MDN1: variants seen among roughly 807,000 people sequenced by gnomAD.
MDN1 encodes midasin.
In MDN1, 266 loss-of-function variants were observed where a neutral mutation model predicts 669.2. The ratio of observed to expected loss-of-function variants is 0.40; its 90% confidence interval spans 0.36 to 0.44. The LOEUF (loss-of-function observed/expected upper bound fraction) is 0.44. Ranked by LOEUF, MDN1 falls within the 20% of genes least tolerant of loss-of-function variation. The pLI, the probability that MDN1 is intolerant of heterozygous loss-of-function variation, is 1.00. For synonymous variants in MDN1, 2,385 were observed against 2,457.1 expected (o/e 0.97, Z 0.87); for missense variants, 5,940 against 6,754.0 (o/e 0.88, Z 4.22).
chr6:89,712,678 G>C lies in MDN1; in HGVS notation c.7327C>G (p.Leu2443Val), dbSNP rs1249503790. The change falls in exon 48 of 102, where the codon CTC becomes GTC. Residue 2443 changes from leucine to valine, a missense_variant. Leu to Val is a conservative substitution (Grantham distance 32, BLOSUM62 1). Coordinates refer to ENST00000369393, the MANE Select transcript of MDN1 (RefSeq NM_014611.3). ...AGGTGTGAATCTTCAGTAGCAAAGA[G>C]AGCTGAGGGCACAGAATCTGGCCAC... ...GLWPDSVPSA[L>V]FATEDSHLST... 5 of 1,614,006 alleles carry C rather than the reference G, an allele frequency of 3.1e-6. No homozygotes were observed. In the Admixed American group the frequency reaches 6.7e-5, roughly 22 times the overall value.
In MDN1 at chr6:89,648,257, T is replaced by TG; in HGVS notation, c.16278_16279insC (p.Ser5427GlnfsTer14). On this transcript the variant is annotated frameshift_variant and splice_region_variant, in exon 98 of 102. Transcript: ENST00000369393. LOFTEE classifies it high-confidence loss of function. ...AAAGGAATTACAAAGCAACCTTACCTACACACTGCAATCTGACCCACTTCC... is the reference window on the plus strand; with the variant it reads ...AAAGGAATTACAAAGCAACCTTACCTGACACACTGCAATCTGACCCACTTCC... 6.2e-7 allele frequency: 1 copy of TG among 1,613,932 alleles called. No individual in the cohort carries two copies. Among genetic ancestry groups the TG allele is most frequent in the Non-Finnish European group, 8.5e-7 (1 of 1,179,790 alleles).
In MDN1 at chr6:89,670,166, A is replaced by ATTTTTTT. The variant is rs1482501704; in HGVS notation, c.13956+752_13956+753insAAAAAAA. Among the ~76,000 whole-genome samples the ATTTTTTT allele has an allele frequency of 7.9e-4, 14 of 17,714 alleles. 1 individual carries two copies. Among genetic ancestry groups the ATTTTTTT allele is most frequent in the African/African-American group, 4.1e-3 (13 of 3,168 alleles). 11.6% of individuals were successfully genotyped at this position (17,714 alleles called of 152,430 possible). A position where few individuals can be genotyped will look rare whatever the true frequency, so the allele number is the denominator to read the frequency against. ...TATATATATATATATATATATATAT[A>ATTTTTTT]TATATTTTTTTTTTTTTTTTTTTTG... On this transcript the variant is annotated intron_variant, in intron 83 of 101. Transcript: ENST00000369393.
At position 89,652,995 on chromosome 6, in the gene MDN1, G is replaced by A. The variant is rs1808988561; in HGVS notation, c.15822C>T (p.Phe5274=). 6.2e-7 allele frequency: 1 copy of A among 1,612,468 alleles called. No homozygotes were observed. The highest frequency in any genetic ancestry group is 8.5e-7 in the Non-Finnish European group (1 of 1,179,622). The change falls in exon 94 of 102, where the codon TTC becomes TTT. Residue 5274 remains phenylalanine (F), a synonymous_variant. Transcript: ENST00000369393. ...TAHQFLMDTI[F]QPFLKDVNEL... ...AGTAATTTGTGAGTTTTACTACCTG[G>A]AAGATCGTGTCCATGAGGAATTGAT...
chr6:89,816,383 G>GAGCA (rs1055657136), intron 1 of MDN1, among the ~76,000 whole-genome samples: 12 of 151,804 alleles, frequency 7.9e-5, no homozygotes, highest in African/African-American at 2.9e-4. Context: ...CTGGGTGACA[G>GAGCA]AGCAAGACTC....
chr6:89,795,262 A>G (rs909548889), intron 2 of MDN1, among the ~76,000 whole-genome samples: 2 of 152,202 alleles, frequency 1.3e-5, no homozygotes, highest in African/African-American at 4.8e-5. Context: ...AAAACCAAAT[A>G]GATACTCTTC....
chr6:89,771,579 G>A lies in MDN1; in HGVS notation c.2126C>T (p.Thr709Ile), dbSNP rs757232620. 7.4e-5 allele frequency: 119 copies of A among 1,613,970 alleles called. No homozygotes were observed. The highest frequency in any genetic ancestry group is 1.0e-4 in the Non-Finnish European group (118 of 1,179,914). ...CACTTACCCTCCAAGCAAGTCTGCAGTATCACTTTGTTGATTCATATTGAC... is the reference window on the plus strand; with the variant it reads ...CACTTACCCTCCAAGCAAGTCTGCAATATCACTTTGTTGATTCATATTGAC... Reference protein sequence around the residue: ...RVVNMNQQSDTADLLGGYKPV... With the variant: ...RVVNMNQQSDIADLLGGYKPV... The change falls in exon 15 of 102, where the codon ACT becomes ATT. Residue 709 changes from threonine to isoleucine, a missense_variant. By Grantham distance (89) the Thr-to-Ile change is moderately conservative. Coordinates refer to ENST00000369393, the MANE Select transcript of MDN1 (RefSeq NM_014611.3).
chr6:89,660,510 A>G (rs1472838310), intron 88 of MDN1, among the ~76,000 whole-genome samples: 1 of 151,576 alleles, frequency 6.6e-6, no homozygotes, highest in Non-Finnish European at 1.5e-5. Flanking sequence ...CCCATTATCT[A>G]TTATTTAATT....
At chr6:89,775,847 A>G (rs1054083788) in intron 12 of MDN1, among the ~76,000 whole-genome samples, 8 of 151,960 alleles carry the variant, frequency 5.3e-5, no homozygotes, top group African/African-American at 1.9e-4. Context: ...CACCACACCC[A>G]GCTAATTTAT....
chr6:89,793,301 G>A (rs186096573), intron 5 of MDN1, among the ~76,000 whole-genome samples: 1 of 152,330 alleles, frequency 6.6e-6, no homozygotes, highest in Non-Finnish European at 1.5e-5. Context: ...ACATAGGATC[G>A]TAACATGTGC....
chr6:89,681,411 T>C (rs1361726590), intron 73 of MDN1, among the ~76,000 whole-genome samples: 1 of 152,190 alleles, frequency 6.6e-6, no homozygotes, highest in Admixed American at 6.5e-5. Context: ...TGGTCTCAAA[T>C]GATCTGCCTG....
intron 1 of MDN1, among the ~76,000 whole-genome samples, chr6:89,813,242 AT>A (rs1364030179): frequency 6.6e-6 from 1 of 151,962 alleles, no homozygotes; most frequent in Non-Finnish European, 1.5e-5. Flanking sequence ...CGGCCACAAA[AT>A]TTTTTTTAGA....
intron 94 of MDN1, among the ~76,000 whole-genome samples, 167 bp downstream of exon 94, chr6:89,652,825 C>G (rs1808977346): frequency 6.6e-6 from 1 of 152,148 alleles, no homozygotes; most frequent in Admixed American, 6.5e-5. Flanking sequence ...TTGAAGAACA[C>G]CTATCATACC....
intron 38 of MDN1, among the ~76,000 whole-genome samples, chr6:89,724,616 C>A (rs1219152465): frequency 6.6e-6 from 1 of 152,202 alleles, no homozygotes. Flanking sequence ...TCAGCCAATT[C>A]TTAATCATAA....
chr6:89,658,829 T>G lies in MDN1; in HGVS notation c.14802A>C (p.Glu4934Asp), dbSNP rs754381892. The change falls in exon 89 of 102, where the codon GAA (glutamate) becomes GAC (aspartate). Residue 4934 changes from glutamate to aspartate, a missense_variant. Around this residue, in one of 5 missense-constraint regions of MDN1, gnomAD observed 2,280 missense variants for 2,576.3 expected, o/e 0.88. Coordinates refer to ENST00000369393, the MANE Select transcript of MDN1 (RefSeq NM_014611.3). ...CCTCAGGCTCCTGTGGACTCTGACT[T>G]TCGTTCTGGTCGGTCTCGGTCTCTC... Reference protein sequence around the residue: ...ERGETETDQNESQSPQEPEEG... With the variant: ...ERGETETDQNDSQSPQEPEEG... 10 of 1,614,244 alleles carry G rather than the reference T, an allele frequency of 6.2e-6. No homozygotes were observed. Among genetic ancestry groups the G allele is most frequent in the Non-Finnish European group, 7.6e-6 (9 of 1,180,044 alleles).
rs888092351 is a variant in MDN1 at position 89,692,817 on chromosome 6, A to C, written c.10213T>G (p.Leu3405Val). The change falls in exon 63 of 102, where the codon TTG becomes GTG. Residue 3405 changes from leucine to valine, a missense_variant. Physicochemically the swap from Leu to Val is conservative, Grantham distance 32. This residue lies in a region of MDN1 where 150 missense variants were observed against 234.2 expected (regional missense o/e 0.64). Transcript: ENST00000369393. ...AGCCTCATGCCATGTTGTAACTGCAATATGGATGCCTGCAGTGGGCTCACG... is the reference window on the plus strand; with the variant it reads ...AGCCTCATGCCATGTTGTAACTGCACTATGGATGCCTGCAGTGGGCTCACG... ...DAVSPLQASI[L>V]QLQHGMRLVA... is the part of the protein sequence containing the mutation. 1.2e-6 allele frequency: 2 copies of C among 1,614,116 alleles called. No individual in the cohort carries two copies. The highest frequency in any genetic ancestry group is 2.7e-5 in the African/African-American group (2 of 74,940).
rs1809095296 is a variant in MDN1, at chr6:89,654,323, T to G, written c.15502A>C (p.Lys5168Gln). ...TCTTTTGCAGACTGTTGCTGTTCTT[T>G]GCTGGCCACATCTGTCAACAAAGCA... ...YDAQTYDVAS[K>Q]EQQQSAKDSG... Residue 5168 changes from lysine (K) to glutamine (Q), a missense_variant, in exon 93 of 102, where the codon AAA (lysine) becomes CAA (glutamine). Physicochemically the swap from Lys to Gln is moderately conservative, Grantham distance 53. Coordinates refer to ENST00000369393, the MANE Select transcript of MDN1 (RefSeq NM_014611.3). 6.2e-7 allele frequency: 1 copy of G among 1,614,100 alleles called. No individual in the cohort carries two copies. The highest frequency in any genetic ancestry group is 1.7e-5 in the Admixed American group (1 of 60,012).
In MDN1 at chr6:89,717,189, A is replaced by G. The variant is rs988685263; in HGVS notation, c.6584-380T>C. Among the ~76,000 whole-genome samples, 3 of 152,258 alleles carry G rather than the reference A, an allele frequency of 2.0e-5. 1 individual carries two copies. The highest frequency in any genetic ancestry group is 4.4e-5 in the Non-Finnish European group (3 of 68,046). On this transcript the variant is annotated intron_variant, in intron 43 of 101. Transcript: ENST00000369393. ...GGGCTTCCTTTATAATGAGCATATC[A>G]TATGATTATAGTAATATAGTAATAA... is the stretch of plus-strand genomic sequence containing the variant.
At chr6:89,681,861 AG>A (rs1811632535) in intron 73 of MDN1, among the ~76,000 whole-genome samples, 1 of 152,128 alleles carries the variant, frequency 6.6e-6, no homozygotes, top group Admixed American at 6.5e-5. Context: ...TACGTTGCAT[AG>A]GCTGGTCTCA....
chr6:89,687,909 G>A (rs1812128319), intron 67 of MDN1, among the ~76,000 whole-genome samples, 169 bp downstream of exon 67: 1 of 152,158 alleles, frequency 6.6e-6, no homozygotes, highest in Non-Finnish European at 1.5e-5. Context: ...CCTCACCACA[G>A]GGGCAACAGC....
Sources: gnomAD v4.1 joint callset for allele counts (sites outside exome capture counted in the v4.1 genomes callset) on GRCh38, gnomAD v4.1.1 for gene constraint, gnomAD v4.1.1 regional missense constraint, MANE v1.5 for transcripts, NCBI Gene and HGNC (gene_info 2026-07-23, HGNC 2026-07-21) for gene names.